The following NRXN2 variants were observed in gnomAD, a reference collection of about 807,000 sequenced individuals.
NRXN2 encodes the protein neurexin-2-beta.
In NRXN2, 29 loss-of-function variants were observed where a neutral mutation model predicts 128.8. The observed-to-expected ratio is 0.23, with a 90% CI of 0.17 to 0.31. The LOEUF (loss-of-function observed/expected upper bound fraction) is 0.31, where lower values mean the gene tolerates loss of function less well. NRXN2 is among the 10% of genes least tolerant of loss of function. NRXN2 has a pLI of 1.00. For synonymous variants in NRXN2, 1,098 were observed against 1,075.2 expected (o/e 1.02, Z -0.41); for missense variants, 1,881 against 2,452.6 (o/e 0.77, Z 4.92).
rs1591518813 is a variant in NRXN2, at chr11:64,618,456, C to T, written c.4252+1838G>A. On this transcript the variant is annotated intron_variant, in intron 22 of 22. Transcript: ENST00000265459. ...CACTCAGTGCCCTTTCTTCAGGACCCTCAAAGACCGTTGTCCCCAGAGCCC... is the reference window on the plus strand; with the variant it reads ...CACTCAGTGCCCTTTCTTCAGGACCTTCAAAGACCGTTGTCCCCAGAGCCC... Among the ~76,000 whole-genome samples, 3 of 152,352 alleles carry T rather than the reference C, an allele frequency of 2.0e-5. No homozygotes were observed. In the East Asian group the frequency reaches 5.8e-4, roughly 29 times the overall value.
chr11:64,651,959 A>T lies in NRXN2; in HGVS notation c.2536+76T>A. The T allele has an allele frequency of 6.3e-7, 1 of 1,594,974 alleles. No homozygotes were observed. ...CTGCCCTAGGAATGGCAGCCCAGGC[A>T]GTAGTCACCAAGTAGAACAGGGCCA... On this transcript the variant is annotated intron_variant, in intron 13 of 22. Transcript: ENST00000265459. The surrounding 1 kb of genome is among the most constrained non-coding windows in gnomAD (Gnocchi z 5.9).
At position 64,707,247 on chromosome 11, in the gene NRXN2, T is replaced by C. The variant is rs552983276; in HGVS notation, c.730+5723A>G. On this transcript the variant is annotated intron_variant, in intron 2 of 22. Transcript: ENST00000265459. ...CTCTACTAAAAATACATTAGCCAGGTGTGGTGGCGGGCGCCTGTAGTCCCA... is the reference window on the plus strand; with the variant it reads ...CTCTACTAAAAATACATTAGCCAGGCGTGGTGGCGGGCGCCTGTAGTCCCA... Among the ~76,000 whole-genome samples, 226 of 151,680 alleles carry C rather than the reference T, an allele frequency of 1.5e-3. 1 individual carries two copies. Among genetic ancestry groups the C allele is most frequent in the African/African-American group, 5.2e-3 (217 of 41,350 alleles).
rs147620074 is a variant in NRXN2, at chr11:64,681,315, T to A, written c.1153-4278A>T. On this transcript the variant is annotated intron_variant, in intron 6 of 22. Transcript: ENST00000265459. ...TAGGAAAACAACTACAAACACTCAA[T>A]AGTTGCAGGTATTAAGCAACCAATT... Among the ~76,000 whole-genome samples, 246 of 152,198 alleles carry A rather than the reference T, an allele frequency of 1.6e-3. 1 individual carries two copies. Among genetic ancestry groups the A allele is most frequent in the African/African-American group, 5.5e-3 (230 of 41,532 alleles).
At chr11:64,609,279 G>A (rs1041146175) in intron 22 of NRXN2, among the ~76,000 whole-genome samples, 1 of 152,000 alleles carries the variant, frequency 6.6e-6, no homozygotes, top group African/African-American at 2.4e-5. Context: ...AACCCCCATG[G>A]GCCGCCAGGA....
intron 1 of NRXN2, among the ~76,000 whole-genome samples, 168 bp downstream of exon 1, chr11:64,722,803 A>G (rs1314534108): frequency 2.4e-5 from 1 of 41,540 alleles, no homozygotes; most frequent in Non-Finnish European, 4.7e-5. Flanking sequence ...CCAAGCCCCC[A>G]GCGGCTTTGC....
chr11:64,667,676 T>C lies in NRXN2; in HGVS notation c.1372A>G (p.Asn458Asp), dbSNP rs753085723. The C allele has an allele frequency of 6.2e-7, 1 of 1,614,072 alleles. No homozygotes were observed. Among genetic ancestry groups the C allele is most frequent in the Middle Eastern group, 1.6e-4 (1 of 6,062 alleles). Residue 458 changes from asparagine to aspartate, a missense_variant, in exon 9 of 23, where the codon AAC becomes GAC. By Grantham distance (23) the Asn-to-Asp change is conservative (BLOSUM62 1). This residue lies in a region of NRXN2 where 997 missense variants were observed against 1,240.8 expected (regional missense o/e 0.80). Coordinates refer to ENST00000265459, the MANE Select transcript of NRXN2 (RefSeq NM_015080.4). The surrounding 1 kb of genome is among the most constrained non-coding windows in gnomAD (Gnocchi z 5.6). The part of the protein sequence containing the change: ...MGCLKDVVYK[N>D]NDFKLELSRL... The stretch of plus-strand genomic sequence containing the variant: ...GATAGTTCCAATTTGAAGTCATTGT[T>C]CTTATAGACCACCTGCAGGGAGGGG...
chr11:64,660,718 G>A lies in NRXN2; in HGVS notation c.2185+35C>T. The A allele has an allele frequency of 1.2e-6, 2 of 1,605,994 alleles. No homozygotes were observed. The highest frequency in any genetic ancestry group is 2.7e-5 in the African/African-American group (2 of 75,020). ...CTGAGAAGGAGGAGCACAGGGATAG[G>A]GAGCAGGGACACCTAGGATGAAGAC... is the stretch of plus-strand genomic sequence containing the variant. On this transcript the variant is annotated intron_variant, in intron 10 of 22. Transcript: ENST00000265459. This position sits in a 1 kb window ranked among gnomAD's most constrained non-coding sequence, Gnocchi z 5.2.
At chr11:64,696,896 T>C (rs2054623085) in intron 3 of NRXN2, among the ~76,000 whole-genome samples, 1 of 152,014 alleles carries the variant, frequency 6.6e-6, no homozygotes, top group South Asian at 2.1e-4. Context: ...CTGCTCTCAG[T>C]CCATCCCAGA....
intron 22 of NRXN2, 127 bp downstream of exon 22, chr11:64,620,167 A>G: frequency 1.4e-6 from 1 of 730,938 alleles, no homozygotes; most frequent in Non-Finnish European, 2.4e-6. Flanking sequence ...GGCAAGGGGG[A>G]ACTATCAGGG....
Position 64,703,032 on chromosome 11 carries a change from C to T in NRXN2, c.731-5240G>A, listed in dbSNP as rs369900223. Reference sequence around the variant, plus strand: ...TAAAAAAAAAAGATCCAGGTCAATACACATTTGTCTCTGTTCTAAACAAAG... The same window carrying T: ...TAAAAAAAAAAGATCCAGGTCAATATACATTTGTCTCTGTTCTAAACAAAG... On this transcript the variant is annotated intron_variant, in intron 2 of 22. Transcript: ENST00000265459. 8.1e-4 allele frequency among the ~76,000 whole-genome samples: 112 copies of T among 137,634 alleles called. 4 individuals carry two copies. In the South Asian group the frequency reaches 0.016, roughly 20 times the overall value. The allele number at this position is 137,634 out of a possible 152,430, so 90.3% of individuals were successfully genotyped here.
chr11:64,700,660 G>A (rs1267428217), intron 2 of NRXN2, among the ~76,000 whole-genome samples: 1 of 152,188 alleles, frequency 6.6e-6, no homozygotes, highest in African/African-American at 2.4e-5. Context: ...TCCTGCAATA[G>A]CTTCCTCTTG....
At chr11:64,688,522 C>A in intron 5 of NRXN2, 1 of 985,336 alleles carries the variant, frequency 1.0e-6, no homozygotes, top group Non-Finnish European at 1.2e-6. Context: ...GGCGGAGGGG[C>A]TCAGCAGAGC....
intron 22 of NRXN2, among the ~76,000 whole-genome samples, 183 bp from the exon 23 acceptor site, chr11:64,608,265 G>A (rs1402098978): frequency 6.6e-6 from 1 of 152,176 alleles, no homozygotes; most frequent in Non-Finnish European, 1.5e-5. Context: ...AGCGGGCAGC[G>A]GCTCAGATGC....
At position 64,660,674 on chromosome 11, in the gene NRXN2, A is replaced by T; in HGVS notation, c.2185+79T>A. On this transcript the variant is annotated intron_variant, in intron 10 of 22. Transcript: ENST00000265459. The surrounding 1 kb of genome is among the most constrained non-coding windows in gnomAD (Gnocchi z 5.2). The stretch of plus-strand genomic sequence containing the variant: ...TCCCCTAGGAGGAGGTGGCACAGGG[A>T]TGGAAAGTAGGAGTCACCCTGAGAA... 1 of 1,599,006 alleles carries T rather than the reference A, an allele frequency of 6.3e-7. No homozygotes were observed. Among genetic ancestry groups the T allele is most frequent in the Non-Finnish European group, 8.5e-7 (1 of 1,176,352 alleles).
Position 64,648,162 on chromosome 11 carries a change from T to C in NRXN2, c.3403+57A>G. The C allele has an allele frequency of 1.2e-6, 2 of 1,612,948 alleles. No individual in the cohort carries two copies. The highest frequency in any genetic ancestry group is 1.7e-6 in the Non-Finnish European group (2 of 1,179,474). On this transcript the variant is annotated intron_variant, in intron 17 of 22. Transcript: ENST00000265459. The surrounding 1 kb of genome is among the most constrained non-coding windows in gnomAD (Gnocchi z 4.1). ...CCTGTTTCCTCCCTGGCAGCCCCTA[T>C]GGCTGGGAATGGACCCTGGTCTCCC...
chr11:64,713,089 G>C lies in NRXN2; in HGVS notation c.611C>G (p.Pro204Arg). ...GGGGTTGCGCGCGGGCGCGCACAGC[G>C]GGTCGGCGGTGGCGCCGCGCAGGCC... is the stretch of plus-strand genomic sequence containing the variant. ...SQGLRGATAD[P>R]LCAPARNPCA... Residue 204 changes from proline (P) to arginine (R), a missense_variant, in exon 2 of 23, where the codon CCG becomes CGG. Physicochemically the swap from Pro to Arg is moderately radical, Grantham distance 103 (BLOSUM62 -2). Around this residue, in one of 7 missense-constraint regions of NRXN2, gnomAD observed 997 missense variants for 1,240.8 expected, o/e 0.80. Transcript: ENST00000265459. The C allele has an allele frequency of 7.6e-7, 1 of 1,308,698 alleles. No individual in the cohort carries two copies. The highest frequency in any genetic ancestry group is 9.6e-7 in the Non-Finnish European group (1 of 1,037,566). 81.1% of individuals were successfully genotyped at this position (1,308,698 alleles called of 1,614,324 possible).
At chr11:64,614,590 G>A (rs2041183138) in intron 22 of NRXN2, among the ~76,000 whole-genome samples, 1 of 152,246 alleles carries the variant, frequency 6.6e-6, no homozygotes, top group South Asian at 2.1e-4. Flanking sequence ...CTCTCCCAGG[G>A]TTTAATGAAG....
rs977011946 is a variant in NRXN2 at position 64,651,150 on chromosome 11, T to G, written c.2918+105A>C. 1.9e-5 allele frequency: 29 copies of G among 1,489,906 alleles called. No individual in the cohort carries two copies. The highest frequency in any genetic ancestry group is 3.4e-5 in the Admixed American group (2 of 59,416). 92.3% of individuals were successfully genotyped at this position (1,489,906 alleles called of 1,614,324 possible). On this transcript the variant is annotated intron_variant, in intron 14 of 22. Transcript: ENST00000265459. This position sits in a 1 kb window ranked among gnomAD's most constrained non-coding sequence, Gnocchi z 5.9. ...CGGGGACCTGAATCTTGACTTGTGATCTGGGGGGATTGGACACCTCGGCCA... is the reference window on the plus strand; with the variant it reads ...CGGGGACCTGAATCTTGACTTGTGAGCTGGGGGGATTGGACACCTCGGCCA...
At chr11:64,664,777 G>A (rs1018987523) in intron 9 of NRXN2, among the ~76,000 whole-genome samples, 7 of 151,824 alleles carry the variant, frequency 4.6e-5, no homozygotes, top group African/African-American at 1.7e-4. Context: ...GAATCACAAG[G>A]TCAGGAGTTC....
Sources: gnomAD v4.1 joint callset for allele counts (sites outside exome capture counted in the v4.1 genomes callset) on GRCh38, gnomAD v4.1.1 for gene constraint, gnomAD v4.1.1 regional missense constraint, Gnocchi (gnomAD v3.1) non-coding constraint, MANE v1.5 for transcripts, NCBI Gene and HGNC (gene_info 2026-07-23, HGNC 2026-07-21) for gene names.